YTHDC2: variants seen among roughly 807,000 people sequenced by gnomAD.
The protein encoded by YTHDC2 is YTH N6-methyladenosine RNA binding protein C2.
A neutral mutation model predicts 174.9 loss-of-function variants in YTHDC2; 45 were observed. The ratio of observed to expected loss-of-function variants is 0.26; its 90% CI spans 0.20 to 0.33. The LOEUF (loss-of-function observed/expected upper bound fraction) is 0.33, where lower values mean the gene tolerates loss of function less well. Among genes scored for constraint, YTHDC2 ranks in the 10% least tolerant of loss-of-function variants. The pLI, the probability that YTHDC2 is intolerant of heterozygous loss-of-function variation, is 1.00. For missense variants in YTHDC2, 1,650 were observed against 1,723.7 expected (o/e 0.96, Z 0.76); for synonymous variants, 657 against 574.5 (o/e 1.14, Z -2.05).
At position 113,522,141 on chromosome 5, in the gene YTHDC2, G is replaced by GTT. The variant is rs397883128; in HGVS notation, c.279-2827_279-2826dup. On this transcript the variant is annotated intron_variant, in intron 2 of 29. Transcript: ENST00000161863. ...TGAATGCCTGTTTTTTTTGTTTTTT[G>GTT]TTTTTTTTTTTTTTGGTGGTGGTTG... Among the ~76,000 whole-genome samples the GTT allele has an allele frequency of 3.0e-3, 398 of 131,076 alleles. 3 individuals are homozygous for GTT. Among genetic ancestry groups the GTT allele is most frequent in the East Asian group, 6.7e-3 (32 of 4,798 alleles). 86.0% of individuals were successfully genotyped at this position (131,076 alleles called of 152,430 possible). A position where few individuals can be genotyped will look rare whatever the true frequency, so the allele number is the denominator to read the frequency against.
chr5:113,565,732 A>G (rs1449852039), intron 20 of YTHDC2, 161 bp from the exon 21 acceptor site: 3 of 664,488 alleles, frequency 4.5e-6, no homozygotes, highest in Non-Finnish European at 6.7e-6. Flanking sequence ...GTATAAATTA[A>G]TGATAAATAT....
chr5:113,567,857 T>C lies in YTHDC2; in HGVS notation c.3244+8T>C. Reference sequence around the variant, plus strand: ...AACCTTCATCCTTTAGAGGTAAATGTATTAAGGAAATAAAAATCTATTTGA... The same window carrying C: ...AACCTTCATCCTTTAGAGGTAAATGCATTAAGGAAATAAAAATCTATTTGA... On this transcript the variant is annotated splice_region_variant and intron_variant, in intron 23 of 29. Coordinates refer to ENST00000161863, the MANE Select transcript of YTHDC2 (RefSeq NM_022828.5). 1 of 1,473,228 alleles carries C rather than the reference T, an allele frequency of 6.8e-7. No individual in the cohort carries two copies. The highest frequency in any genetic ancestry group is 9.0e-7 in the Non-Finnish European group (1 of 1,108,414). The allele number at this position is 1,473,228 out of a possible 1,614,324, so 91.3% of individuals were successfully genotyped here.
intron 12 of YTHDC2, among the ~76,000 whole-genome samples, chr5:113,551,054 C>A (rs1443516545): frequency 6.6e-6 from 1 of 151,832 alleles, no homozygotes; most frequent in Non-Finnish European, 1.5e-5. Context: ...TTTTATTTGA[C>A]CTGGGTTTTT....
rs1479512215 is a variant in YTHDC2 at position 113,553,690 on chromosome 5, A to G, written c.1964+4A>G. 1 of 1,613,320 alleles carries G rather than the reference A, an allele frequency of 6.2e-7. No homozygotes were observed. The highest frequency in any genetic ancestry group is 8.5e-7 in the Non-Finnish European group (1 of 1,179,526). On this transcript the variant is annotated splice_donor_region_variant and intron_variant, in intron 14 of 29. Coordinates refer to ENST00000161863, the MANE Select transcript of YTHDC2 (RefSeq NM_022828.5). ...GGTTTGCTGACAGTACACATAGGTA[A>G]GGGCTAAAGCCTTATATCTGTTGCT...
chr5:113,591,648 T>C (rs534190273), intron 27 of YTHDC2, among the ~76,000 whole-genome samples: 1 of 152,256 alleles, frequency 6.6e-6, no homozygotes, highest in South Asian at 2.1e-4. Context: ...ATTTATAAAA[T>C]AATACATTTA....
At position 113,548,959 on chromosome 5, in the gene YTHDC2, G is replaced by A. The variant is rs1776068265; in HGVS notation, c.1627G>A (p.Ala543Thr). 1.2e-6 allele frequency: 2 copies of A among 1,611,786 alleles called. No homozygotes were observed. The highest frequency in any genetic ancestry group is 1.7e-5 in the Admixed American group (1 of 59,638). Residue 543 changes from alanine (A) to threonine (T), a missense_variant, in exon 12 of 30, where the codon GCA becomes ACA. By Grantham distance (58) the Ala-to-Thr change is moderately conservative. Around this residue, in one of 5 missense-constraint regions of YTHDC2, gnomAD observed 411 missense variants for 380.6 expected, o/e 1.08. Coordinates refer to ENST00000161863, the MANE Select transcript of YTHDC2 (RefSeq NM_022828.5). ...VHSKASNGWM[A>T]LDWAKHFGQT... ...ATATCCTTTGAATTTTGGCAGGATG[G>A]CATTGGATTGGGCTAAACACTTTGG...
chr5:113,533,791 G>T (rs1774860374), intron 5 of YTHDC2, among the ~76,000 whole-genome samples: 1 of 152,078 alleles, frequency 6.6e-6, no homozygotes, highest in African/African-American at 2.4e-5. Context: ...CTTTTTGAGT[G>T]CCAACATGAC....
In YTHDC2 at chr5:113,553,195, T is replaced by G. The variant is rs1776375445; in HGVS notation, c.1703T>G (p.Phe568Cys). Residue 568 changes from phenylalanine to cysteine, a missense_variant, in exon 13 of 30, where the codon TTT becomes TGT. Transcript: ENST00000161863. ...TTTTTTTTCAGTGCTACACTGGAAT[T>G]TGGAAATCTAGATGAAAGTTCTCTG... ...LLESYSATLEFGNLDESSLVQ... is the reference protein window; with the variant it reads ...LLESYSATLECGNLDESSLVQ... 1 of 1,512,918 alleles carries G rather than the reference T, an allele frequency of 6.6e-7. No individual in the cohort carries two copies. The highest frequency in any genetic ancestry group is 1.5e-5 in the African/African-American group (1 of 68,494). 93.7% of individuals were successfully genotyped at this position (1,512,918 alleles called of 1,614,324 possible).
intron 7 of YTHDC2, among the ~76,000 whole-genome samples, chr5:113,538,291 GTCT>G (rs948819948): frequency 5.9e-5 from 9 of 152,112 alleles, no homozygotes; most frequent in Non-Finnish European, 5.9e-5. Flanking sequence ...AGTCAGAGTG[GTCT>G]TCTTTGAAGT....
intron 23 of YTHDC2, among the ~76,000 whole-genome samples, chr5:113,569,564 C>G (rs1327941768): frequency 1.3e-5 from 2 of 152,190 alleles, no homozygotes; most frequent in African/African-American, 4.8e-5. Context: ...CTGCATATAG[C>G]TAACCAGTTC....
At chr5:113,535,604 T>C in intron 6 of YTHDC2, 38 bp from the exon 7 acceptor site, 3 of 1,541,626 alleles carry the variant, frequency 1.9e-6, no homozygotes, top group Non-Finnish European at 2.6e-6. Flanking sequence ...ATCAATAATG[T>C]TTTAACTGTT....
In YTHDC2 at chr5:113,539,054, A is replaced by C. The variant is rs1328702991; in HGVS notation, c.1103-20A>C. 1.7e-6 allele frequency: 2 copies of C among 1,202,286 alleles called. No individual in the cohort carries two copies. Among genetic ancestry groups the C allele is most frequent in the African/African-American group, 3.2e-5 (2 of 61,714 alleles). The allele number at this position is 1,202,286 out of a possible 1,614,324, so 74.5% of individuals were successfully genotyped here. A position where few individuals can be genotyped will look rare whatever the true frequency, so the allele number is the denominator to read the frequency against. ...TCTCCAAGATGCAAGTTGAGTATTT[A>C]ATTTTTTTTTATTATTTAGTACAGG... On this transcript the variant is annotated intron_variant, in intron 7 of 29. Coordinates refer to ENST00000161863, the MANE Select transcript of YTHDC2 (RefSeq NM_022828.5).
chr5:113,531,266 C>T (rs1774642812), intron 4 of YTHDC2, among the ~76,000 whole-genome samples: 1 of 152,164 alleles, frequency 6.6e-6, no homozygotes, highest in South Asian at 2.1e-4. Flanking sequence ...TACACTGACA[C>T]AGATATTTTG....
chr5:113,568,062 T>A (rs958737504), intron 23 of YTHDC2, among the ~76,000 whole-genome samples: 13 of 152,154 alleles, frequency 8.5e-5, no homozygotes, highest in Non-Finnish European at 1.6e-4. Context: ...TTTGTGCATT[T>A]TTTATTAATC....
intron 7 of YTHDC2, among the ~76,000 whole-genome samples, chr5:113,538,118 T>C (rs577614091): frequency 6.6e-6 from 1 of 152,168 alleles, no homozygotes; most frequent in African/African-American, 2.4e-5. Flanking sequence ...AATATAATGC[T>C]GAGTTCTACG....
chr5:113,593,076 A>G (rs1188009432), intron 28 of YTHDC2: 4 of 341,974 alleles, frequency 1.2e-5, no homozygotes, highest in Admixed American at 4.2e-5. Flanking sequence ...TTTTGTCACA[A>G]AAGTTGAGAG....
At chr5:113,585,436 G>A (rs7711078) in intron 26 of YTHDC2, among the ~76,000 whole-genome samples, 51,714 of 151,760 alleles carry the variant, frequency 0.34, 11,246 homozygotes, top group African/African-American at 0.61. Context: ...TGTTTTTGTA[G>A]ATTTGCATTC....
Position 113,567,834 on chromosome 5 carries a change from C to T in YTHDC2, c.3229C>T (p.Pro1077Ser). ...ATTGGCAAGTAATGCTCTTCAGGAA[C>T]CTTCATCCTTTAGAGGTAAATGTAT... ...ARLASNALQE[P>S]SSFRVDGIPN... The change falls in exon 23 of 30, where the codon CCT becomes TCT. Residue 1077 changes from proline (P) to serine (S), a missense_variant. By Grantham distance (74) the Pro-to-Ser change is moderately conservative. Transcript: ENST00000161863. The T allele has an allele frequency of 6.4e-7, 1 of 1,551,062 alleles. No homozygotes were observed.
intron 26 of YTHDC2, 110 bp from the exon 27 acceptor site, chr5:113,590,931 A>G (rs1778970584): frequency 2.3e-6 from 2 of 886,540 alleles, no homozygotes; most frequent in South Asian, 1.8e-5. Context: ...CATTTGTTGA[A>G]TATATGATAA....
Sources: gnomAD v4.1 joint callset for allele counts (sites outside exome capture counted in the v4.1 genomes callset) on GRCh38, gnomAD v4.1.1 for gene constraint, gnomAD v4.1.1 regional missense constraint, MANE v1.5 for transcripts, NCBI Gene and HGNC (gene_info 2026-07-23, HGNC 2026-07-21) for gene names.